Variants in SHANK2 observed in about 807,000 individuals in gnomAD.
The protein encoded by SHANK2 is SH3 and multiple ankyrin repeat domains protein 2.
SHANK2 carries 43 observed loss-of-function variants against 133.7 expected under a neutral mutation model. That is an observed-to-expected ratio of 0.32 (90% CI 0.25 to 0.41). The LOEUF (loss-of-function observed/expected upper bound fraction) is 0.41, where lower values mean the gene tolerates loss of function less well. Ranked by LOEUF, SHANK2 falls within the 10% of genes least tolerant of loss-of-function variation. SHANK2 has a pLI of 1.00. For synonymous variants in SHANK2, 1,017 were observed against 952.8 expected, an observed-to-expected ratio of 1.07 and a Z score of -1.24; for missense variants, 1,994 against 2,235.8, an observed-to-expected ratio of 0.89 and a Z score of 2.18.
At chr11:71,125,994 C>G (rs1456132933) in intron 3 of SHANK2, among the ~76,000 whole-genome samples, 2 of 151,894 alleles carry the variant, frequency 1.3e-5, no homozygotes, top group Admixed American at 1.3e-4. Context: ...CCAAGGTGGG[C>G]GGATCATGAG....
chr11:70,545,214 G>T (rs536165075), intron 17 of SHANK2, among the ~76,000 whole-genome samples: 1 of 152,244 alleles, frequency 6.6e-6, no homozygotes, highest in Non-Finnish European at 1.5e-5. Context: ...CGCTGTCTGA[G>T]CTCCTAATCC....
At chr11:70,662,646 A>G (rs185143786) in intron 15 of SHANK2, among the ~76,000 whole-genome samples, 107 of 151,972 alleles carry the variant, frequency 7.0e-4, no homozygotes, top group Non-Finnish European at 1.1e-3. Context: ...CCCCTTTGAG[A>G]TGACAAAGCT....
At chr11:71,187,836 G>C (rs1953704968) in intron 2 of SHANK2, among the ~76,000 whole-genome samples, 1 of 152,206 alleles carries the variant, frequency 6.6e-6, no homozygotes, top group African/African-American at 2.4e-5. Context: ...CAAGTGTGCA[G>C]AAGTCATCCT....
rs1197334757 is a variant in SHANK2, at chr11:70,882,475, C to G, written c.1174+14026G>C. On this transcript the variant is annotated intron_variant, in intron 11 of 25. Transcript: ENST00000601538. This position sits in a 1 kb window ranked among gnomAD's most constrained non-coding sequence, Gnocchi z 4.2. ...AATGGCCCAGTGAAAAAGATCATGA[C>G]AGAAGCTGCCAAGGATTCCTTACCT... is the stretch of plus-strand genomic sequence containing the variant. 6.6e-6 allele frequency among the ~76,000 whole-genome samples: 1 copy of G among 152,192 alleles called. No individual in the cohort carries two copies. The highest frequency in any genetic ancestry group is 1.5e-5 in the Non-Finnish European group (1 of 68,038).
chr11:70,558,774 C>T (rs894650057), intron 17 of SHANK2, among the ~76,000 whole-genome samples: 11 of 152,148 alleles, frequency 7.2e-5, no homozygotes, highest in East Asian at 1.9e-4. Context: ...GACACACTGA[C>T]GGCCCAGAGC....
intron 17 of SHANK2, among the ~76,000 whole-genome samples, chr11:70,525,679 C>T (rs1242446476): frequency 6.6e-6 from 1 of 152,016 alleles, no homozygotes; most frequent in Admixed American, 6.5e-5. Flanking sequence ...AGCCCTGGCA[C>T]CCCCGTAAAC....
At chr11:70,554,726 C>A (rs1289131780) in intron 17 of SHANK2, among the ~76,000 whole-genome samples, 2 of 152,244 alleles carry the variant, frequency 1.3e-5, no homozygotes, top group Admixed American at 6.5e-5. Context: ...CCCGTTCCCC[C>A]ACTCCAGTGC....
At chr11:71,234,641 G>A (rs1555123445) in intron 1 of SHANK2, among the ~76,000 whole-genome samples, 2 of 152,102 alleles carry the variant, frequency 1.3e-5, no homozygotes, top group Non-Finnish European at 2.9e-5. Flanking sequence ...CCACAAAGCA[G>A]GGGCCTGGTC....
chr11:70,505,074 C>T (rs1044649874), intron 17 of SHANK2, among the ~76,000 whole-genome samples: 1 of 152,166 alleles, frequency 6.6e-6, no homozygotes, highest in Non-Finnish European at 1.5e-5. Flanking sequence ...GAAGTGAACA[C>T]ATAACTTCAG....
intron 16 of SHANK2, among the ~76,000 whole-genome samples, chr11:70,660,176 T>G (rs1334545664): frequency 4.6e-5 from 7 of 152,212 alleles, no homozygotes; most frequent in African/African-American, 1.7e-4. Context: ...GCCATCATAT[T>G]TCTTGGCCTC....
intron 17 of SHANK2, among the ~76,000 whole-genome samples, chr11:70,597,963 C>T (rs11823631): frequency 0.026 from 3,898 of 152,276 alleles, 182 homozygotes; most frequent in African/African-American, 0.09. Flanking sequence ...AGAGGCCTTG[C>T]GGGCACCCCT....
intron 15 of SHANK2, among the ~76,000 whole-genome samples, chr11:70,692,169 G>A (rs1667748708): frequency 1.3e-5 from 2 of 152,108 alleles, no homozygotes; most frequent in South Asian, 4.1e-4. Context: ...AATGGCGGAG[G>A]AAGAATGAGG....
intron 15 of SHANK2, among the ~76,000 whole-genome samples, chr11:70,662,416 G>A (rs2134280885): frequency 6.6e-6 from 1 of 152,326 alleles, no homozygotes; most frequent in Admixed American, 6.5e-5. Flanking sequence ...GGCTGGGAGA[G>A]GGCGGGGAGG....
At chr11:70,904,538 A>C (rs576477401) in intron 10 of SHANK2, among the ~76,000 whole-genome samples, 11 of 147,344 alleles carry the variant, frequency 7.5e-5, no homozygotes, top group African/African-American at 2.3e-4. Flanking sequence ...AATGGAGTCT[A>C]ACTCTGTCAC....
At chr11:71,219,215 C>G (rs79952980) in intron 2 of SHANK2, among the ~76,000 whole-genome samples, 153 of 152,340 alleles carry the variant, frequency 1.0e-3, no homozygotes, top group African/African-American at 3.7e-3. Context: ...AAAAGTCCAG[C>G]TGGTAACTAC....
chr11:71,205,936 C>G (rs989858970), intron 2 of SHANK2, among the ~76,000 whole-genome samples: 5 of 151,728 alleles, frequency 3.3e-5, no homozygotes. Context: ...GCAGGTGAAA[C>G]GGGGCTGGGG....
At chr11:71,089,007 T>G (rs1196536252) in intron 8 of SHANK2, among the ~76,000 whole-genome samples, 1 of 151,988 alleles carries the variant, frequency 6.6e-6, no homozygotes, top group African/African-American at 2.4e-5. Context: ...TGTGGGTGAC[T>G]GCACCACCCC....
chr11:71,060,823 G>C (rs962516621), intron 9 of SHANK2, among the ~76,000 whole-genome samples: 1 of 152,184 alleles, frequency 6.6e-6, no homozygotes, highest in African/African-American at 2.4e-5. Flanking sequence ...GCAAGAGCAT[G>C]CAGCAGCCGA....
At chr11:70,876,243 G>GAGACACAC (rs1555071278) in intron 11 of SHANK2, among the ~76,000 whole-genome samples, 1 of 134,830 alleles carries the variant, frequency 7.4e-6, no homozygotes, top group African/African-American at 2.8e-5. Flanking sequence ...CACACATATA[G>GAGACACAC]ACACACACAC....
Sources: allele counts gnomAD v4.1 joint callset (sites outside exome capture counted in the v4.1 genomes callset), GRCh38; gene constraint gnomAD v4.1.1; non-coding constraint Gnocchi (gnomAD v3.1); transcripts MANE v1.5; gene names NCBI Gene and HGNC (gene_info 2026-07-23, HGNC 2026-07-21).